Variants in MTMR12 observed in about 807,000 individuals in gnomAD.
MTMR12 encodes myotubularin related protein 12, also known as myotubularin-related protein 12.
Under a neutral mutation model 96.7 loss-of-function variants are expected in MTMR12, and 33 were observed. The observed-to-expected ratio is 0.34, with a 90% CI of 0.26 to 0.46. The LOEUF (loss-of-function observed/expected upper bound fraction) is 0.46. Among genes scored for constraint, MTMR12 ranks in the 20% least tolerant of loss-of-function variants. The pLI, the probability that MTMR12 is intolerant of heterozygous loss-of-function variation, is 1.00. For missense variants in MTMR12, 721 were observed against 896.1 expected (o/e 0.80, Z 2.49); for synonymous variants, 298 against 327.2 (o/e 0.91, Z 0.96).
intron 1 of MTMR12, among the ~76,000 whole-genome samples, chr5:32,310,035 C>A (rs1047775655): frequency 2.6e-5 from 4 of 152,164 alleles, no homozygotes; most frequent in Non-Finnish European, 5.9e-5. Context: ...GAAATCAGGG[C>A]CAGGCACGGT....
In MTMR12 at chr5:32,276,759, A is replaced by G; in HGVS notation, c.82-17T>C. On this transcript the variant is annotated splice_polypyrimidine_tract_variant and intron_variant, in intron 1 of 15. Coordinates refer to ENST00000382142, the MANE Select transcript of MTMR12 (RefSeq NM_001040446.3). ...GTGAATTTCCTAAAAGAGAAGAGCAAAGGATATTTTTCTTTGTTTAAGGGT... is the reference window on the plus strand; with the variant it reads ...GTGAATTTCCTAAAAGAGAAGAGCAGAGGATATTTTTCTTTGTTTAAGGGT... 1 of 1,608,446 alleles carries G rather than the reference A, an allele frequency of 6.2e-7. No homozygotes were observed.
intron 5 of MTMR12, among the ~76,000 whole-genome samples, chr5:32,269,701 C>T (rs1031065135): frequency 1.3e-5 from 2 of 152,114 alleles, no homozygotes; most frequent in Non-Finnish European, 2.9e-5. Flanking sequence ...ACGTAAGTGC[C>T]ACATTAAGTC....
intron 3 of MTMR12, among the ~76,000 whole-genome samples, chr5:32,272,412 T>C (rs1229762277): frequency 1.3e-5 from 2 of 152,134 alleles, no homozygotes; most frequent in Non-Finnish European, 2.9e-5. Flanking sequence ...TTTAGTTCTG[T>C]CACTCAGGCT....
At chr5:32,249,212 G>C (rs978969632) in intron 8 of MTMR12, among the ~76,000 whole-genome samples, 2 of 152,070 alleles carry the variant, frequency 1.3e-5, no homozygotes, top group African/African-American at 4.8e-5. Context: ...TTACATGTCA[G>C]GTATTTTACA....
Position 32,248,849 on chromosome 5 carries a change from A to G in MTMR12, c.819T>C (p.Ser273=). 6.2e-7 allele frequency: 1 copy of G among 1,614,160 alleles called. No individual in the cohort carries two copies. The highest frequency in any genetic ancestry group is 8.5e-7 in the Non-Finnish European group (1 of 1,179,978). Residue 273 remains serine, a synonymous_variant, in exon 9 of 16, where the codon AGT becomes AGC. Coordinates refer to ENST00000382142, the MANE Select transcript of MTMR12 (RefSeq NM_001040446.3). Reference sequence around the variant, plus strand: ...GCAGTGCTGACATTTTCAAAAGGGCACTTCCATTGTGGCAGGACCAACACC... The same window carrying G: ...GCAGTGCTGACATTTTCAAAAGGGCGCTTCCATTGTGGCAGGACCAACACC... ...PIWCWSCHNG[S]ALLKMSALPK... is the part of the protein sequence containing the mutation.
intron 1 of MTMR12, among the ~76,000 whole-genome samples, chr5:32,288,369 G>A (rs1302693637): frequency 6.6e-6 from 1 of 152,122 alleles, no homozygotes; most frequent in African/African-American, 2.4e-5. Flanking sequence ...TGCACTGCCT[G>A]AGGCAACACT....
At chr5:32,279,703 A>G (rs1395618473) in intron 1 of MTMR12, among the ~76,000 whole-genome samples, 1 of 152,154 alleles carries the variant, frequency 6.6e-6, no homozygotes, top group African/African-American at 2.4e-5. Flanking sequence ...ACGGAAGACA[A>G]TTTTTCCACG....
intron 1 of MTMR12, among the ~76,000 whole-genome samples, chr5:32,310,912 C>T (rs1345597810): frequency 6.7e-6 from 1 of 148,270 alleles, no homozygotes; most frequent in African/African-American, 2.5e-5. Flanking sequence ...CTCGCTCTGT[C>T]GCCCAAGCTG....
intron 3 of MTMR12, among the ~76,000 whole-genome samples, chr5:32,273,170 C>T (rs980176881): frequency 1.3e-5 from 2 of 152,120 alleles, no homozygotes; most frequent in African/African-American, 2.4e-5. Flanking sequence ...GAGGCCAAAG[C>T]GGGTGGATTT....
chr5:32,241,740 A>AC (rs973744733), intron 12 of MTMR12, among the ~76,000 whole-genome samples: 4 of 152,226 alleles, frequency 2.6e-5, no homozygotes, highest in Non-Finnish European at 5.9e-5. Flanking sequence ...GGATTCTAAA[A>AC]AGATTTTAAA....
At chr5:32,288,857 T>C (rs949244918) in intron 1 of MTMR12, among the ~76,000 whole-genome samples, 1 of 152,172 alleles carries the variant, frequency 6.6e-6, no homozygotes, top group Admixed American at 6.5e-5. Flanking sequence ...GAGATTGGGA[T>C]GGTGGAGTGG....
intron 1 of MTMR12, among the ~76,000 whole-genome samples, chr5:32,287,873 C>G (rs1250966519): frequency 1.3e-5 from 2 of 152,024 alleles, no homozygotes; most frequent in Non-Finnish European, 2.9e-5. Flanking sequence ...ATGTGGAGAA[C>G]CAAGGGACAT....
intron 8 of MTMR12, among the ~76,000 whole-genome samples, chr5:32,251,050 CT>C (rs1311212802): frequency 2.0e-5 from 3 of 147,880 alleles, no homozygotes; most frequent in African/African-American, 7.6e-5. Context: ...TTTAAGGTCC[CT>C]CTCTTTTTTT....
In MTMR12 at chr5:32,228,534, G is replaced by GTGATATATATATATC. The variant is rs138165258; in HGVS notation, c.*1243_*1244insGATATATATATATCA. On this transcript the variant is annotated 3_prime_UTR_variant, in exon 16 of 16. Transcript: ENST00000382142. ...TAAAAAAAATATATATCATATATAT[G>GTGATATATATATATC]ATATATATATCATATATATGTGATA... 11 of 87,532 alleles carry GTGATATATATATATC rather than the reference G, an allele frequency of 1.3e-4. No individual in the cohort carries two copies. The highest frequency in any genetic ancestry group is 0.01 in the Middle Eastern group (1 of 98). 5.4% of individuals were successfully genotyped at this position (87,532 alleles called of 1,614,324 possible). A position where few individuals can be genotyped will look rare whatever the true frequency, so the allele number is the denominator to read the frequency against.
chr5:32,265,742 CAAT>C (rs1749563262), intron 6 of MTMR12, among the ~76,000 whole-genome samples: 1 of 152,220 alleles, frequency 6.6e-6, no homozygotes, highest in Admixed American at 6.5e-5. Context: ...AATCTGTCCT[CAAT>C]AATATGCAGT....
At chr5:32,301,646 T>C (rs1192379619) in intron 1 of MTMR12, among the ~76,000 whole-genome samples, 3 of 152,216 alleles carry the variant, frequency 2.0e-5, no homozygotes, top group Non-Finnish European at 4.4e-5. Flanking sequence ...ATCCCAGCAC[T>C]TTGGGGGGCC....
chr5:32,239,512 AATG>A (rs1437677619), intron 12 of MTMR12, among the ~76,000 whole-genome samples: 1 of 152,172 alleles, frequency 6.6e-6, no homozygotes, highest in African/African-American at 2.4e-5. Flanking sequence ...TCACCCACAT[AATG>A]ATGACCTGCC....
intron 10 of MTMR12, chr5:32,247,746 T>C (rs1207282706): frequency 1.8e-5 from 18 of 985,302 alleles, no homozygotes; most frequent in East Asian, 1.1e-4. Context: ...GGGCAAATGG[T>C]ATGCTGAGGA....
rs1171554122 is a variant in MTMR12, at chr5:32,228,532, A to C, written c.*1246T>G. On this transcript the variant is annotated 3_prime_UTR_variant, in exon 16 of 16. Coordinates refer to ENST00000382142, the MANE Select transcript of MTMR12 (RefSeq NM_001040446.3). ...ATTAAAAAAAATATATATCATATAT[A>C]TGATATATATATCATATATATGTGA... 1 of 140,904 alleles carries C rather than the reference A, an allele frequency of 7.1e-6. No homozygotes were observed. The highest frequency in any genetic ancestry group is 1.5e-5 in the Non-Finnish European group (1 of 66,542). The allele number at this position is 140,904 out of a possible 1,614,324, so 8.7% of individuals were successfully genotyped here.
Sources: allele counts gnomAD v4.1 joint callset (sites outside exome capture counted in the v4.1 genomes callset), GRCh38; gene constraint gnomAD v4.1.1; transcripts MANE v1.5; gene names NCBI Gene and HGNC (gene_info 2026-07-23, HGNC 2026-07-21).